RBFOX1: variants seen among roughly 807,000 people sequenced by gnomAD.
The protein encoded by RBFOX1 is RNA binding fox-1 homolog 1.
A neutral mutation model predicts 57.7 loss-of-function variants in RBFOX1; 8 were observed. That is an observed-to-expected ratio of 0.14 (90% CI 0.08 to 0.25). The LOEUF (loss-of-function observed/expected upper bound fraction) is 0.25, where lower values mean the gene tolerates loss of function less well. Ranked by LOEUF, RBFOX1 falls within the 10% of genes least tolerant of loss-of-function variation. RBFOX1 has a pLI of 1.00. For synonymous variants in RBFOX1, 326 were observed against 222.4 expected, an observed-to-expected ratio of 1.47 and a Z score of -4.15; for missense variants, 611 against 548.5, an observed-to-expected ratio of 1.11 and a Z score of -1.14.
In RBFOX1 at chr16:5,407,848, C is replaced by G. The variant is rs370360364; in HGVS notation, c.220-59368C>G. Among the ~76,000 whole-genome samples, 464 of 152,330 alleles carry G rather than the reference C, an allele frequency of 3.0e-3. 6 individuals are homozygous for G. The highest frequency in any genetic ancestry group is 0.011 in the African/African-American group (440 of 41,576). ...ACAGGCGTGAGCCACTGCACATGGC[C>G]CAGGCCTTTGGGCTTTAACCCAAGT... On this transcript the variant is annotated intron_variant, in intron 1 of 2. Transcript: ENST00000585867.
rs763175798 is a variant in RBFOX1 at position 6,898,644 on chromosome 16, AAG to A, written c.-15-153409_-15-153408del. 1.2e-4 allele frequency among the ~76,000 whole-genome samples: 18 copies of A among 152,254 alleles called. No individual in the cohort carries two copies. In the East Asian group the frequency reaches 3.5e-3, roughly 29 times the overall value. On this transcript the variant is annotated intron_variant, in intron 3 of 15. Transcript: ENST00000550418. ...TTTTAAAATACTGGAGTGTTTCTGA[AAG>A]AGATAATTCAGCTCTGAGTTTCTGT...
At chr16:6,210,155 C>G (rs1251516132) in intron 1 of RBFOX1, among the ~76,000 whole-genome samples, 2 of 150,334 alleles carry the variant, frequency 1.3e-5, no homozygotes, top group Non-Finnish European at 3.0e-5. Flanking sequence ...CCATCTCTAC[C>G]AAAAATACAA....
intron 1 of RBFOX1, among the ~76,000 whole-genome samples, chr16:5,431,916 T>C (rs1428230226): frequency 6.6e-6 from 1 of 152,056 alleles, no homozygotes; most frequent in Non-Finnish European, 1.5e-5. Flanking sequence ...ACAGTTCCAG[T>C]AGGATTCGAA....
intron 2 of RBFOX1, among the ~76,000 whole-genome samples, chr16:5,576,710 C>G (rs1596325072): frequency 1.3e-5 from 2 of 152,310 alleles, no homozygotes; most frequent in East Asian, 3.9e-4. Context: ...GTAGAGAATT[C>G]TCATCAAAGC....
chr16:7,416,001 A>G (rs559412999), intron 4 of RBFOX1, among the ~76,000 whole-genome samples: 2 of 152,098 alleles, frequency 1.3e-5, no homozygotes, highest in African/African-American at 4.8e-5. Context: ...CCCGAACTTC[A>G]TCTTTGCAGA....
chr16:7,246,645 T>C (rs1203416871), intron 4 of RBFOX1, among the ~76,000 whole-genome samples: 2 of 150,410 alleles, frequency 1.3e-5, no homozygotes, highest in African/African-American at 4.9e-5. Flanking sequence ...TTTTTTTTTT[T>C]TTTTTTTTTT....
At chr16:7,407,999 A>T (rs1197939902) in intron 4 of RBFOX1, among the ~76,000 whole-genome samples, 1 of 152,208 alleles carries the variant, frequency 6.6e-6, no homozygotes, top group South Asian at 2.1e-4. Flanking sequence ...TGCCTAAAAT[A>T]TTTATTCCGT....
At chr16:6,182,803 A>G (rs2097074610) in intron 1 of RBFOX1, among the ~76,000 whole-genome samples, 1 of 152,250 alleles carries the variant, frequency 6.6e-6, no homozygotes, top group African/African-American at 2.4e-5. Context: ...AATATAGTAT[A>G]GTACTATTTT....
intron 3 of RBFOX1, among the ~76,000 whole-genome samples, chr16:6,960,175 C>G (rs77742869): frequency 2.6e-5 from 4 of 152,070 alleles, no homozygotes; most frequent in African/African-American, 9.7e-5. Context: ...CTCCCCACAC[C>G]TCCATGATTT....
At chr16:6,816,614 C>A (rs538586294) in intron 3 of RBFOX1, among the ~76,000 whole-genome samples, 1 of 151,606 alleles carries the variant, frequency 6.6e-6, no homozygotes, top group South Asian at 2.1e-4. Flanking sequence ...GTGGCGGGCA[C>A]CTGTAGTCCC....
chr16:6,217,197 A>C (rs1455319380), intron 1 of RBFOX1, among the ~76,000 whole-genome samples: 1 of 40,650 alleles, frequency 2.5e-5, no homozygotes, highest in African/African-American at 7.4e-5. Context: ...TTTTTTGTAG[A>C]ATTCGTCTGA....
intron 3 of RBFOX1, among the ~76,000 whole-genome samples, chr16:5,785,609 C>G (rs1050152544): frequency 6.6e-6 from 1 of 152,016 alleles, no homozygotes; most frequent in Non-Finnish European, 1.5e-5. Context: ...CTCACTGCAA[C>G]CTCTGCCTCC....
intron 4 of RBFOX1, among the ~76,000 whole-genome samples, chr16:7,223,056 T>C (rs545795991): frequency 1.3e-5 from 2 of 152,340 alleles, no homozygotes; most frequent in East Asian, 1.9e-4. Context: ...TGATTGCAGA[T>C]GCGATTCTCA....
At chr16:5,255,354 CTCCA>C (rs750177791) in intron 1 of RBFOX1, among the ~76,000 whole-genome samples, 4 of 86,332 alleles carry the variant, frequency 4.6e-5, no homozygotes, top group African/African-American at 1.1e-4. Context: ...CCATCCATCC[CTCCA>C]TCCATCCATC....
At chr16:6,155,328 A>C (rs78977201) in intron 1 of RBFOX1, among the ~76,000 whole-genome samples, 9,373 of 152,260 alleles carry the variant, frequency 0.062, 310 homozygotes, top group Middle Eastern at 0.15. Flanking sequence ...AGCGCCGTGG[A>C]GCTGTGCACT....
At chr16:7,592,293 C>T (rs970803783) in intron 7 of RBFOX1, among the ~76,000 whole-genome samples, 2 of 152,174 alleles carry the variant, frequency 1.3e-5, no homozygotes, top group Non-Finnish European at 2.9e-5. Context: ...GAGGCTATTT[C>T]CTTTTTAGTT....
At chr16:7,260,613 C>T (rs926679192) in intron 4 of RBFOX1, among the ~76,000 whole-genome samples, 7 of 152,140 alleles carry the variant, frequency 4.6e-5, no homozygotes, top group Admixed American at 2.6e-4. Context: ...GGTAAGATAA[C>T]AGAGTCTGGC....
At chr16:6,739,145 A>G (rs2071304006) in intron 3 of RBFOX1, among the ~76,000 whole-genome samples, 1 of 152,132 alleles carries the variant, frequency 6.6e-6, no homozygotes, top group South Asian at 2.1e-4. Flanking sequence ...AAATTGGAGC[A>G]AAAGTCAATG....
intron 4 of RBFOX1, among the ~76,000 whole-genome samples, chr16:7,125,198 C>G (rs1600232669): frequency 2.0e-5 from 3 of 152,304 alleles, no homozygotes; most frequent in South Asian, 4.1e-4. Context: ...ACGGGCCACA[C>G]TGTCTTGAGT....
Sources: allele counts gnomAD v4.1 joint callset (sites outside exome capture counted in the v4.1 genomes callset), GRCh38; gene constraint gnomAD v4.1.1; transcripts MANE v1.5; gene names NCBI Gene and HGNC (gene_info 2026-07-23, HGNC 2026-07-21).